The following MAD1L1 variants were observed in gnomAD, a reference collection of about 807,000 sequenced individuals.
MAD1L1 encodes the protein mitotic spindle assembly checkpoint protein MAD1.
A neutral mutation model predicts 96.9 loss-of-function variants in MAD1L1; 95 were observed. The ratio of observed to expected loss-of-function variants is 0.98; its 90% CI spans 0.83 to 1.16. MAD1L1 has a LOEUF of 1.16. Among genes scored for constraint, MAD1L1 ranks in the 50% most tolerant of loss-of-function variants. The probability of loss-of-function intolerance (pLI) is 0.00; values close to 1 mark genes in which losing one functional copy is unlikely to be tolerated. For missense variants in MAD1L1, 1,007 were observed against 954.4 expected, an observed-to-expected ratio of 1.06 and a Z score of -0.73; for synonymous variants, 473 against 396.6, an observed-to-expected ratio of 1.19 and a Z score of -2.29.
At chr7:2,098,322 G>A (rs1786603513) in intron 11 of MAD1L1, among the ~76,000 whole-genome samples, 1 of 152,206 alleles carries the variant, frequency 6.6e-6, no homozygotes, top group Admixed American at 6.5e-5. Context: ...CCACAGATGA[G>A]GCCTGCGCAG....
At chr7:1,898,047 G>C in intron 18 of MAD1L1, 153 bp downstream of exon 18, 2 of 787,656 alleles carry the variant, frequency 2.5e-6, no homozygotes, top group Non-Finnish European at 4.1e-6. Flanking sequence ...AGGGGGTGAC[G>C]AGGACGGGCC....
intron 10 of MAD1L1, among the ~76,000 whole-genome samples, chr7:2,150,422 T>C (rs1391643115): frequency 6.6e-6 from 1 of 152,106 alleles, no homozygotes; most frequent in Non-Finnish European, 1.5e-5. Context: ...TGACCTTTCC[T>C]GTCACTTGAG....
intron 12 of MAD1L1, among the ~76,000 whole-genome samples, chr7:2,043,869 G>A (rs563273629): frequency 6.6e-6 from 1 of 152,372 alleles, no homozygotes; most frequent in African/African-American, 2.4e-5. Flanking sequence ...GCCAGGGAGG[G>A]CCGGGCAAAG....
rs557180994 is a variant in MAD1L1 at position 2,163,715 on chromosome 7, T to G, written c.987-14477A>C. ...TTTTAAACTTGGTCATGAGAGTTGC[T>G]GTGCAGCAGGAATCGACACTCTCCT... is the stretch of plus-strand genomic sequence containing the variant. On this transcript the variant is annotated intron_variant, in intron 10 of 18. Coordinates refer to ENST00000265854, the MANE Select transcript of MAD1L1 (RefSeq NM_001013836.2). Among the ~76,000 whole-genome samples the G allele has an allele frequency of 4.5e-3, 682 of 152,222 alleles. 8 individuals are homozygous for G. The highest frequency in any genetic ancestry group is 0.015 in the African/African-American group (643 of 41,514).
intron 16 of MAD1L1, among the ~76,000 whole-genome samples, chr7:1,938,629 A>G (rs1299315735): frequency 1.3e-5 from 2 of 151,490 alleles, no homozygotes; most frequent in Admixed American, 1.3e-4. Context: ...CAGACAACCC[A>G]CTCTAAAAAT....
chr7:1,981,461 G>A (rs1305972255), intron 14 of MAD1L1, among the ~76,000 whole-genome samples: 1 of 152,248 alleles, frequency 6.6e-6, no homozygotes, highest in East Asian at 1.9e-4. Context: ...GGGGTGCTAA[G>A]GAAGGCCCAC....
At chr7:1,989,152 C>T (rs1034853771) in intron 14 of MAD1L1, among the ~76,000 whole-genome samples, 6 of 152,314 alleles carry the variant, frequency 3.9e-5, no homozygotes, top group Admixed American at 6.5e-5. Flanking sequence ...AGTTCAGGAC[C>T]ACTGGCCTCA....
chr7:1,950,554 C>T lies in MAD1L1; in HGVS notation c.1596+7075G>A, dbSNP rs183628076. Among the ~76,000 whole-genome samples the T allele has an allele frequency of 2.2e-3, 330 of 152,338 alleles. 2 individuals are homozygous for T. The highest frequency in any genetic ancestry group is 1.8e-3 in the Non-Finnish European group (122 of 68,030). On this transcript the variant is annotated intron_variant, in intron 16 of 18. Transcript: ENST00000265854. The stretch of plus-strand genomic sequence containing the variant: ...GGGAGAAGATAAAAACCCCAATCGT[C>T]AGAAGGGTTGGACAACAGTGACTTG...
chr7:2,225,377 G>A (rs748167320), intron 4 of MAD1L1, 33 bp downstream of exon 4: 1 of 1,611,234 alleles, frequency 6.2e-7, no homozygotes, highest in Non-Finnish European at 8.5e-7. Flanking sequence ...TCCTGGGGCT[G>A]TCTGGGCCGA....
At chr7:1,856,165 C>T (rs1190165786) in intron 18 of MAD1L1, among the ~76,000 whole-genome samples, 1 of 152,236 alleles carries the variant, frequency 6.6e-6, no homozygotes. Context: ...TGGCAAGGCC[C>T]CGCGCCCTCC....
chr7:2,105,904 T>G (rs901306179), intron 11 of MAD1L1, among the ~76,000 whole-genome samples: 25 of 151,932 alleles, frequency 1.6e-4, no homozygotes, highest in African/African-American at 5.3e-4. Flanking sequence ...AGCAACACCT[T>G]CTGGAGCACA....
At chr7:2,161,341 G>A (rs1042613394) in intron 10 of MAD1L1, among the ~76,000 whole-genome samples, 3 of 151,910 alleles carry the variant, frequency 2.0e-5, no homozygotes, top group Non-Finnish European at 4.4e-5. Flanking sequence ...TCCTGACCGC[G>A]AGTGATCTGC....
chr7:1,928,646 A>G (rs1789241705), intron 17 of MAD1L1, among the ~76,000 whole-genome samples: 1 of 152,080 alleles, frequency 6.6e-6, no homozygotes, highest in Non-Finnish European at 1.5e-5. Context: ...GAGCCCCTGC[A>G]CCCCCATCCC....
chr7:1,941,181 C>T (rs1208978667), intron 16 of MAD1L1, among the ~76,000 whole-genome samples: 1 of 152,188 alleles, frequency 6.6e-6, no homozygotes, highest in East Asian at 1.9e-4. Flanking sequence ...GCGCCCAGCG[C>T]TGGCGTTGGA....
intron 6 of MAD1L1, 52 bp downstream of exon 6, chr7:2,219,280 C>A: frequency 1.3e-6 from 2 of 1,491,118 alleles, no homozygotes; most frequent in South Asian, 1.2e-5. Context: ...AGGTGGGACG[C>A]ATGCCCCCAC....
intron 4 of MAD1L1, chr7:2,223,471 C>T (rs1108037): frequency 0.08 from 12,227 of 152,322 alleles, 1,688 homozygotes; most frequent in African/African-American, 0.28. Flanking sequence ...TGGTGGAGCC[C>T]GGCACTCCGG....
chr7:1,823,738 C>T (rs753097511), intron 18 of MAD1L1, among the ~76,000 whole-genome samples: 9 of 152,218 alleles, frequency 5.9e-5, no homozygotes, highest in Non-Finnish European at 1.0e-4. Flanking sequence ...CTCAGACACA[C>T]CCCTGCTCCC....
rs1424725277 is a variant in MAD1L1, at chr7:1,816,309, C to T, written c.1999-81G>A. 7 of 1,428,272 alleles carry T rather than the reference C, an allele frequency of 4.9e-6. No homozygotes were observed. In the East Asian group the frequency reaches 1.6e-4, roughly 33 times the overall value. 88.5% of individuals were successfully genotyped at this position (1,428,272 alleles called of 1,614,324 possible). On this transcript the variant is annotated intron_variant, in intron 18 of 18. Transcript: ENST00000265854. Reference sequence around the variant, plus strand: ...TCTCCCCTCCCTCCCTACACAGCCCCTCCAGCCATGGGGGCTTCCCTCAGT... The same window carrying T: ...TCTCCCCTCCCTCCCTACACAGCCCTTCCAGCCATGGGGGCTTCCCTCAGT...
intron 17 of MAD1L1, among the ~76,000 whole-genome samples, chr7:1,928,029 C>T (rs1474471902): frequency 6.6e-6 from 1 of 152,232 alleles, no homozygotes; most frequent in African/African-American, 2.4e-5. Context: ...GCCACCAGCT[C>T]GTGCCCGAGG....
Sources: allele counts gnomAD v4.1 joint callset (sites outside exome capture counted in the v4.1 genomes callset), GRCh38; gene constraint gnomAD v4.1.1; transcripts MANE v1.5; gene names NCBI Gene and HGNC (gene_info 2026-07-23, HGNC 2026-07-21).